The following TYW1 variants were observed in gnomAD, a reference collection of about 807,000 sequenced individuals.
TYW1 encodes tRNA-yW synthesizing protein 1 homolog, also known as S-adenosyl-L-methionine-dependent tRNA 4-demethylwyosine synthase TYW1.
In TYW1, 46 loss-of-function variants were observed where a neutral mutation model predicts 96.2. The observed-to-expected ratio is 0.48, with a 90% CI of 0.38 to 0.61. The LOEUF is 0.61. Ranked by LOEUF, TYW1 falls within the 20% of genes least tolerant of loss-of-function variation. The pLI, the probability that TYW1 is intolerant of heterozygous loss-of-function variation, is 0.00. For synonymous variants in TYW1, 274 were observed against 323.0 expected (o/e 0.85, Z 1.63); for missense variants, 684 against 909.6 (o/e 0.75, Z 3.19).
intron 9 of TYW1, among the ~76,000 whole-genome samples, chr7:67,056,751 C>G (rs1395646165): frequency 6.6e-6 from 1 of 152,120 alleles, no homozygotes; most frequent in Non-Finnish European, 1.5e-5. Context: ...GCATTCTTCA[C>G]AAGACTTTGT....
intron 13 of TYW1, among the ~76,000 whole-genome samples, chr7:67,120,314 C>T (rs1797723963): frequency 6.6e-6 from 1 of 151,956 alleles, no homozygotes; most frequent in Admixed American, 6.6e-5. Flanking sequence ...AACTCCTGAC[C>T]TCAAGTGATC....
Position 67,180,632 on chromosome 7 carries a change from C to CATTTATTTATTTATTTATTTATTT in TYW1, c.1699-2489_1699-2466dup, listed in dbSNP as rs375057980. On this transcript the variant is annotated intron_variant, in intron 13 of 15. Transcript: ENST00000359626. ...CTGTTAGTCCAACTAAATAGAAATGCATTTATTTATTTATTTATTTATTTA... is the reference window on the plus strand; with the variant it reads ...CTGTTAGTCCAACTAAATAGAAATGCATTTATTTATTTATTTATTTATTTATTTATTTATTTATTTATTTATTTA... Among the ~76,000 whole-genome samples the CATTTATTTATTTATTTATTTATTT allele has an allele frequency of 8.8e-4, 130 of 147,582 alleles. No individual in the cohort carries two copies. In the Middle Eastern group the frequency reaches 0.014, roughly 16 times the overall value.
intron 12 of TYW1, among the ~76,000 whole-genome samples, chr7:67,100,298 G>T (rs1199296628): frequency 6.6e-6 from 1 of 151,974 alleles, no homozygotes; most frequent in Non-Finnish European, 1.5e-5. Context: ...TGTCATACTG[G>T]GACTAGGCAC....
At chr7:67,033,618 A>C (rs1422575924) in intron 7 of TYW1, among the ~76,000 whole-genome samples, 8 of 151,710 alleles carry the variant, frequency 5.3e-5, no homozygotes, top group African/African-American at 1.9e-4. Flanking sequence ...CCTTACCAAC[A>C]TTCTCTAGAG....
chr7:67,190,408 G>A (rs1349243738), intron 14 of TYW1, among the ~76,000 whole-genome samples: 8 of 152,226 alleles, frequency 5.3e-5, no homozygotes, highest in African/African-American at 1.7e-4. Flanking sequence ...AGAAGAGCAA[G>A]GCACAGCCCC....
At chr7:67,128,692 T>TG (rs1272239752) in intron 13 of TYW1, among the ~76,000 whole-genome samples, 1 of 78,284 alleles carries the variant, frequency 1.3e-5, no homozygotes, top group Non-Finnish European at 2.6e-5. Context: ...GTCTCAGTGT[T>TG]TTTTTTTTTT....
chr7:67,095,218 T>C (rs1183927438), intron 11 of TYW1, among the ~76,000 whole-genome samples: 1 of 152,036 alleles, frequency 6.6e-6, no homozygotes, highest in Non-Finnish European at 1.5e-5. Flanking sequence ...GAGCTGGTCT[T>C]GAACTCCTGA....
chr7:67,136,685 GTATATATA>G (rs1182173982), intron 13 of TYW1, among the ~76,000 whole-genome samples: 50 of 122,314 alleles, frequency 4.1e-4, no homozygotes, highest in African/African-American at 1.4e-3. Context: ...GTGTGTGTGT[GTATATATA>G]TATATGCTGA....
intron 14 of TYW1, among the ~76,000 whole-genome samples, chr7:67,190,593 A>G (rs1800176148): frequency 3.3e-5 from 5 of 152,230 alleles, no homozygotes; most frequent in Admixed American, 3.3e-4. Flanking sequence ...TGGGCAGTCC[A>G]GCTCTAGAGT....
intron 8 of TYW1, among the ~76,000 whole-genome samples, chr7:67,054,763 G>C (rs1795457685): frequency 1.3e-5 from 2 of 152,172 alleles, no homozygotes; most frequent in Non-Finnish European, 2.9e-5. Flanking sequence ...ATTACCTGAA[G>C]CCTCATGAGA....
At chr7:67,212,898 A>G (rs1435921559) in intron 15 of TYW1, among the ~76,000 whole-genome samples, 1 of 152,010 alleles carries the variant, frequency 6.6e-6, no homozygotes, top group Non-Finnish European at 1.5e-5. Context: ...GTTTTGAGAC[A>G]GAGTTTTGCT....
At chr7:67,067,585 T>G (rs866971254) in intron 10 of TYW1, among the ~76,000 whole-genome samples, 182 bp downstream of exon 10, 1 of 152,238 alleles carries the variant, frequency 6.6e-6, no homozygotes, top group Non-Finnish European at 1.5e-5. Context: ...GGACAAACAC[T>G]GTGAGGAATT....
At chr7:67,031,227 C>T (rs1794665116) in intron 7 of TYW1, among the ~76,000 whole-genome samples, 1 of 144,570 alleles carries the variant, frequency 6.9e-6, no homozygotes, top group African/African-American at 2.6e-5. Flanking sequence ...CTGTGTGCGG[C>T]TCAAACAGGA....
At chr7:67,047,379 A>T (rs996167119) in intron 7 of TYW1, among the ~76,000 whole-genome samples, 10 of 152,206 alleles carry the variant, frequency 6.6e-5, no homozygotes, top group Non-Finnish European at 1.5e-4. Context: ...AACAAAAGGC[A>T]AAGGATTCCT....
intron 15 of TYW1, among the ~76,000 whole-genome samples, chr7:67,225,303 T>C (rs1278173982): frequency 6.6e-6 from 1 of 152,050 alleles, no homozygotes; most frequent in Non-Finnish European, 1.5e-5. Context: ...AACAAGTACG[T>C]TGCACAGACA....
At chr7:67,069,602 G>C (rs182672209) in intron 10 of TYW1, among the ~76,000 whole-genome samples, 14 of 152,264 alleles carry the variant, frequency 9.2e-5, no homozygotes, top group African/African-American at 3.4e-4. Context: ...CGCCGGGCAT[G>C]GTGGTGCATG....
intron 4 of TYW1, among the ~76,000 whole-genome samples, chr7:67,012,416 A>G (rs1295983205): frequency 6.6e-6 from 1 of 152,148 alleles, no homozygotes; most frequent in Non-Finnish European, 1.5e-5. Flanking sequence ...GCCCCGTCTT[A>G]GTGGTTAAAT....
At chr7:67,029,403 G>GATATACA (rs1794573600) in intron 7 of TYW1, among the ~76,000 whole-genome samples, 1 of 76,940 alleles carries the variant, frequency 1.3e-5, no homozygotes, top group Non-Finnish European at 2.6e-5. Context: ...GTGTGTGTGT[G>GATATACA]TGTGTGTGTG....
chr7:67,234,564 C>T (rs1048376502), intron 15 of TYW1, among the ~76,000 whole-genome samples: 1 of 152,024 alleles, frequency 6.6e-6, no homozygotes, highest in African/African-American at 2.4e-5. Flanking sequence ...TTGTTTCAGT[C>T]CCCCACACTA....
Sources: gnomAD v4.1 joint callset for allele counts (sites outside exome capture counted in the v4.1 genomes callset) on GRCh38, gnomAD v4.1.1 for gene constraint, MANE v1.5 for transcripts, NCBI Gene and HGNC (gene_info 2026-07-23, HGNC 2026-07-21) for gene names.